DIAPH1: variants seen among roughly 807,000 people sequenced by gnomAD.
DIAPH1 encodes diaphanous related formin 1.
A neutral mutation model predicts 140.7 loss-of-function variants in DIAPH1; 46 were observed. The observed-to-expected ratio is 0.33, with a 90% CI of 0.26 to 0.42. The LOEUF is 0.42. DIAPH1 is among the 10% of genes least tolerant of loss of function. DIAPH1 has a pLI of 1.00. For synonymous variants in DIAPH1, 565 were observed against 551.6 expected, an observed-to-expected ratio of 1.02 and a Z score of -0.34; for missense variants, 1,310 against 1,558.7, an observed-to-expected ratio of 0.84 and a Z score of 2.69.
chr5:141,516,788 C>T lies in DIAPH1; in HGVS notation c.*63G>A. The T allele has an allele frequency of 1.2e-6, 2 of 1,601,966 alleles. No individual in the cohort carries two copies. Among genetic ancestry groups the T allele is most frequent in the Non-Finnish European group, 1.7e-6 (2 of 1,171,782 alleles). On this transcript the variant is annotated 3_prime_UTR_variant, in exon 28 of 28. Transcript: ENST00000389054. ...GAATATCCCCTTGAGCCTTTAGGCA[C>T]ATGCTGCAGGGCAGGACAGTCTGCG...
At chr5:141,548,509 A>G (rs1342737795) in intron 18 of DIAPH1, among the ~76,000 whole-genome samples, 1 of 152,230 alleles carries the variant, frequency 6.6e-6, no homozygotes, top group African/African-American at 2.4e-5. Flanking sequence ...AGTAACAGTA[A>G]AAATATTTGT....
chr5:141,569,009 G>C (rs1198208259), intron 18 of DIAPH1, among the ~76,000 whole-genome samples: 1 of 151,464 alleles, frequency 6.6e-6, no homozygotes, highest in East Asian at 1.9e-4. Flanking sequence ...TAAATATCTA[G>C]TATCTCACTT....
In DIAPH1 at chr5:141,572,016, C is replaced by T. The variant is rs2099895258; in HGVS notation, c.2383G>A (p.Asp795Asn). 1.2e-6 allele frequency: 2 copies of T among 1,614,074 alleles called. No homozygotes were observed. The highest frequency in any genetic ancestry group is 2.2e-5 in the South Asian group (2 of 91,076). The change falls in exon 17 of 28, where the codon GAC becomes AAC. Residue 795 changes from aspartate to asparagine, a missense_variant. Physicochemically the swap from Asp to Asn is conservative, Grantham distance 23. Around this residue, in one of 3 missense-constraint regions of DIAPH1, gnomAD observed 589 missense variants for 549.3 expected, o/e 1.07. Coordinates refer to ENST00000389054, the MANE Select transcript of DIAPH1 (RefSeq NM_005219.5). The stretch of plus-strand genomic sequence containing the variant: ...TCCTTCACCTTTGTCCAGAAGCAGT[C>T]CTGGGAGAGGTCCTCAGCCACAAGC... ...SKLVAEDLSQ[D>N]CFWTKVKEDR...
At chr5:141,616,691 C>G (rs922705320) in intron 1 of DIAPH1, among the ~76,000 whole-genome samples, 4 of 152,324 alleles carry the variant, frequency 2.6e-5, no homozygotes, top group African/African-American at 9.6e-5. Flanking sequence ...AAGGGTTAAG[C>G]AGCACTACTT....
At chr5:141,601,487 G>C (rs1375962311) in intron 1 of DIAPH1, among the ~76,000 whole-genome samples, 1 of 152,060 alleles carries the variant, frequency 6.6e-6, no homozygotes, top group African/African-American at 2.4e-5. Flanking sequence ...AAAGGGTTTC[G>C]CCATATTGGT....
At chr5:141,574,486 G>A (rs1438441675) in intron 15 of DIAPH1, among the ~76,000 whole-genome samples, 2 of 152,092 alleles carry the variant, frequency 1.3e-5, no homozygotes, top group African/African-American at 2.4e-5. Flanking sequence ...AAATGTAAAG[G>A]TCAAGTAAAT....
At position 141,584,241 on chromosome 5, in the gene DIAPH1, A is replaced by G. The variant is rs756281624; in HGVS notation, c.301-16T>C. 6 of 1,520,856 alleles carry G rather than the reference A, an allele frequency of 3.9e-6. No individual in the cohort carries two copies. Among genetic ancestry groups the G allele is most frequent in the East Asian group, 2.3e-5 (1 of 44,444 alleles). 94.2% of individuals were successfully genotyped at this position (1,520,856 alleles called of 1,614,324 possible). A position where few individuals can be genotyped will look rare whatever the true frequency, so the allele number is the denominator to read the frequency against. On this transcript the variant is annotated splice_polypyrimidine_tract_variant and intron_variant, in intron 3 of 27. Transcript: ENST00000389054. ...TCATATCCAGCTAGGAGAGGGAGAA[A>G]AAAGAGAAAAAACAAAATTGCCTCA...
chr5:141,607,896 C>G (rs1476300116), intron 1 of DIAPH1, among the ~76,000 whole-genome samples: 1 of 152,178 alleles, frequency 6.6e-6, no homozygotes, highest in Admixed American at 6.5e-5. Context: ...GGGTCATTTA[C>G]AGTATCTGGG....
chr5:141,579,934 C>A (rs552183699), intron 8 of DIAPH1, among the ~76,000 whole-genome samples: 3 of 145,916 alleles, frequency 2.1e-5, no homozygotes, highest in East Asian at 2.0e-4. Context: ...GGGAACAGAG[C>A]GAGCCTCCGT....
At chr5:141,558,043 C>T (rs1432339761) in intron 18 of DIAPH1, among the ~76,000 whole-genome samples, 1 of 152,152 alleles carries the variant, frequency 6.6e-6, no homozygotes, top group East Asian at 1.9e-4. Context: ...CACCCCCTGG[C>T]GGCCAAGATA....
chr5:141,560,977 G>C, intron 18 of DIAPH1: 2 of 453,670 alleles, frequency 4.4e-6, no homozygotes, highest in Admixed American at 4.7e-5. Flanking sequence ...CGCCATCTCT[G>C]TTACTGAAAG....
chr5:141,588,807 G>A, intron 1 of DIAPH1: 1 of 160,368 alleles, frequency 6.2e-6, no homozygotes, highest in Admixed American at 5.9e-5. Context: ...TATACGTAGT[G>A]GAATGTGTAT....
Position 141,579,088 on chromosome 5 carries a change from C to T in DIAPH1, c.933G>A (p.Lys311=). ...GLKSGTTIAL[K]VGCLQLINAL... is the part of the protein sequence containing the mutation. The stretch of plus-strand genomic sequence containing the variant: ...GCCCAGTTTCAGGGGATATACATGC[C>T]TTCAGTGCAATAGTGGTTCCACTTT... Residue 311 remains lysine (K), a splice_region_variant and synonymous_variant, in exon 9 of 28, where the codon AAG becomes AAA. Coordinates refer to ENST00000389054, the MANE Select transcript of DIAPH1 (RefSeq NM_005219.5). 1 of 1,611,174 alleles carries T rather than the reference C, an allele frequency of 6.2e-7. No individual in the cohort carries two copies. The highest frequency in any genetic ancestry group is 1.1e-5 in the South Asian group (1 of 91,028).
At position 141,526,307 on chromosome 5, in the gene DIAPH1, T is replaced by C; in HGVS notation, c.3428A>G (p.Asn1143Ser). The C allele has an allele frequency of 1.2e-6, 2 of 1,614,066 alleles. No homozygotes were observed. Among genetic ancestry groups the C allele is most frequent in the Non-Finnish European group, 1.7e-6 (2 of 1,180,000 alleles). ...GTATCCCTTGCTCACCAAAAACATA[T>C]TCCGAAAATTGTGAAGATCCATGAA... ...EFFMDLHNFR[N>S]MFLQAVKENQ... The change falls in exon 25 of 28, where the codon AAT becomes AGT. Residue 1143 changes from asparagine (N) to serine (S), a missense_variant. Physicochemically the swap from Asn to Ser is conservative, Grantham distance 46. Around this residue, in one of 3 missense-constraint regions of DIAPH1, gnomAD observed 344 missense variants for 512.2 expected, o/e 0.67. Transcript: ENST00000389054.
In DIAPH1 at chr5:141,565,739, C is replaced by CA. The variant is rs1289237128; in HGVS notation, c.2482+5688dup. 6.6e-6 allele frequency among the ~76,000 whole-genome samples: 1 copy of CA among 152,130 alleles called. No individual in the cohort carries two copies. The highest frequency in any genetic ancestry group is 1.5e-5 in the Non-Finnish European group (1 of 68,040). The stretch of plus-strand genomic sequence containing the variant: ...GAAATTCAATGAATTTGTAATGCTT[C>CA]AAATATGAGTGCCTGGCAGTATCAA... On this transcript the variant is annotated intron_variant, in intron 18 of 27. Coordinates refer to ENST00000389054, the MANE Select transcript of DIAPH1 (RefSeq NM_005219.5). This position sits in a 1 kb window ranked among gnomAD's most constrained non-coding sequence, Gnocchi z 4.3.
chr5:141,536,719 G>C (rs2099889070), intron 18 of DIAPH1, among the ~76,000 whole-genome samples: 1 of 152,136 alleles, frequency 6.6e-6, no homozygotes, highest in South Asian at 2.1e-4. Context: ...AGGGGCAAAA[G>C]CATTCCAGGC....
rs748432883 is a variant in DIAPH1 at position 141,527,795 on chromosome 5, T to C, written c.3149-98A>G. The C allele has an allele frequency of 2.5e-5, 35 of 1,388,134 alleles. No individual in the cohort carries two copies. In the Admixed American group the frequency reaches 6.2e-4, roughly 25 times the overall value. 86.0% of individuals were successfully genotyped at this position (1,388,134 alleles called of 1,614,324 possible). A position where few individuals can be genotyped will look rare whatever the true frequency, so the allele number is the denominator to read the frequency against. On this transcript the variant is annotated intron_variant, in intron 23 of 27. Transcript: ENST00000389054. The stretch of plus-strand genomic sequence containing the variant: ...CCCCTTAGTTTCACCTTTCAGAGCA[T>C]AGCTTCAGTCTATACACACATTCTG...
rs576944593 is a variant in DIAPH1 at position 141,558,682 on chromosome 5, ATTATCT to A, written c.2482+12740_2482+12745del. 7.6e-3 allele frequency among the ~76,000 whole-genome samples: 1,153 copies of A among 152,272 alleles called. 18 individuals are homozygous for A. Among genetic ancestry groups the A allele is most frequent in the African/African-American group, 0.026 (1,095 of 41,536 alleles). The stretch of plus-strand genomic sequence containing the variant: ...ACCTATTCTACAGGGAACACCCTCC[ATTATCT>A]TTATCTTACGCTACACCTCCCTTGA... On this transcript the variant is annotated intron_variant, in intron 18 of 27. Transcript: ENST00000389054.
intron 18 of DIAPH1, among the ~76,000 whole-genome samples, chr5:141,538,212 C>G (rs1479018061): frequency 2.0e-5 from 3 of 151,650 alleles, no homozygotes; most frequent in Non-Finnish European, 2.9e-5. Context: ...AGGCACCCAC[C>G]ACCACACTTG....
Sources: gnomAD v4.1 joint callset for allele counts (sites outside exome capture counted in the v4.1 genomes callset) on GRCh38, gnomAD v4.1.1 for gene constraint, gnomAD v4.1.1 regional missense constraint, Gnocchi (gnomAD v3.1) non-coding constraint, MANE v1.5 for transcripts, NCBI Gene and HGNC (gene_info 2026-07-23, HGNC 2026-07-21) for gene names.